TMEM132D: variants seen among roughly 807,000 people sequenced by gnomAD.
TMEM132D encodes the protein transmembrane protein 132D, also known as mature OL transmembrane protein.
TMEM132D carries 21 observed loss-of-function variants against 62.3 expected under a neutral mutation model. That is an observed-to-expected ratio of 0.34 (90% confidence interval 0.24 to 0.49). The LOEUF (loss-of-function observed/expected upper bound fraction) is 0.49. Among genes scored for constraint, TMEM132D ranks in the 20% least tolerant of loss-of-function variants. The pLI is 0.99. For missense variants in TMEM132D, 1,346 were observed against 1,402.8 expected (o/e 0.96, Z 0.65); for synonymous variants, 621 against 575.6 (o/e 1.08, Z -1.13).
Position 129,479,361 on chromosome 12 carries a change from A to G in TMEM132D, c.1115+51698T>C, listed in dbSNP as rs370762543. Among the ~76,000 whole-genome samples, 30 of 152,218 alleles carry G rather than the reference A, an allele frequency of 2.0e-4. No individual in the cohort carries two copies. In the South Asian group the frequency reaches 5.8e-3, roughly 30 times the overall value. On this transcript the variant is annotated intron_variant, in intron 3 of 8. Transcript: ENST00000422113. The stretch of plus-strand genomic sequence containing the variant: ...TATCCTGATTTCCAGAAGACAGAGA[A>G]TCTTTATTACTAGTTGAACTTCTCT...
chr12:129,209,833 T>C (rs1878977952), intron 4 of TMEM132D, 170 bp from the exon 5 acceptor site: 2 of 857,290 alleles, frequency 2.3e-6, no homozygotes, highest in Non-Finnish European at 3.5e-6. Flanking sequence ...AGCCATGAGA[T>C]AATGTTCTGT....
intron 2 of TMEM132D, among the ~76,000 whole-genome samples, chr12:129,611,085 G>A (rs964862300): frequency 6.6e-6 from 1 of 152,116 alleles, no homozygotes; most frequent in African/African-American, 2.4e-5. Flanking sequence ...AACATTAGAC[G>A]CCTGCTTGCC....
chr12:129,572,203 G>A (rs931497534), intron 2 of TMEM132D, among the ~76,000 whole-genome samples: 3 of 152,366 alleles, frequency 2.0e-5, no homozygotes, highest in East Asian at 1.9e-4. Context: ...CTAGAGTCAC[G>A]TAGATTTGAG....
rs1642152481 is a variant in TMEM132D at position 129,673,641 on chromosome 12, CAA to C, written c.968+26167_968+26168del. 1.3e-5 allele frequency among the ~76,000 whole-genome samples: 2 copies of C among 152,156 alleles called. 1 individual carries two copies. Among genetic ancestry groups the C allele is most frequent in the South Asian group, 4.1e-4 (2 of 4,826 alleles). On this transcript the variant is annotated intron_variant, in intron 2 of 8. Coordinates refer to ENST00000422113, the MANE Select transcript of TMEM132D (RefSeq NM_133448.3). Reference sequence around the variant, plus strand: ...TGTTGGAATTACACTTACATTCTTGCAAGAGACAGTGAGGAGACAGTCAAAGA... The same window carrying C: ...TGTTGGAATTACACTTACATTCTTGCGAGACAGTGAGGAGACAGTCAAAGA...
chr12:129,168,640 C>A (rs1361467860), intron 5 of TMEM132D, among the ~76,000 whole-genome samples: 1 of 152,178 alleles, frequency 6.6e-6, no homozygotes, highest in Non-Finnish European at 1.5e-5. Context: ...GGGGGTTCCA[C>A]CTGGGCTCTA....
At chr12:129,510,896 C>T (rs1278426129) in intron 3 of TMEM132D, among the ~76,000 whole-genome samples, 2 of 152,116 alleles carry the variant, frequency 1.3e-5, no homozygotes, top group Non-Finnish European at 2.9e-5. Flanking sequence ...TATTCTGTTC[C>T]ATTGGTCTGT....
chr12:129,457,640 A>G (rs1413268349), intron 3 of TMEM132D, among the ~76,000 whole-genome samples: 1 of 152,286 alleles, frequency 6.6e-6, no homozygotes, highest in African/African-American at 2.4e-5. Flanking sequence ...TCCACAGGCC[A>G]TATGTGAAGC....
intron 4 of TMEM132D, among the ~76,000 whole-genome samples, chr12:129,279,875 G>A (rs1229588538): frequency 6.6e-6 from 1 of 152,298 alleles, no homozygotes; most frequent in East Asian, 1.9e-4. Flanking sequence ...TAATTCCATT[G>A]TATCTGAAGT....
chr12:129,531,818 A>G (rs1222562090), intron 2 of TMEM132D, among the ~76,000 whole-genome samples: 1 of 152,192 alleles, frequency 6.6e-6, no homozygotes, highest in African/African-American at 2.4e-5. Context: ...TTCTTACTGT[A>G]TGCTTTCCAT....
chr12:129,337,248 T>C (rs1331517416), intron 4 of TMEM132D, among the ~76,000 whole-genome samples: 1 of 152,136 alleles, frequency 6.6e-6, no homozygotes, highest in African/African-American at 2.4e-5. Flanking sequence ...ATGCTTGATC[T>C]ACATGGACTC....
chr12:129,305,771 T>C (rs1387054843), intron 4 of TMEM132D, among the ~76,000 whole-genome samples: 1 of 152,192 alleles, frequency 6.6e-6, no homozygotes, highest in African/African-American at 2.4e-5. Flanking sequence ...CAGGGTGTCA[T>C]GGACATTACA....
chr12:129,667,126 G>A (rs927676427), intron 2 of TMEM132D, among the ~76,000 whole-genome samples: 6 of 152,144 alleles, frequency 3.9e-5, no homozygotes, highest in Non-Finnish European at 7.4e-5. Flanking sequence ...GCCCATGTCC[G>A]AATAACAGGG....
chr12:129,244,634 T>TTTTG lies in TMEM132D; in HGVS notation c.1300-34975_1300-34972dup, dbSNP rs199845708. On this transcript the variant is annotated intron_variant, in intron 4 of 8. Coordinates refer to ENST00000422113, the MANE Select transcript of TMEM132D (RefSeq NM_133448.3). ...TTGTTTGTTTTTTGTTTTATTTTTG[T>TTTTG]TTTGTTTTGTTTTGTTTTGTTTTTG... Among the ~76,000 whole-genome samples the TTTTG allele has an allele frequency of 1.6e-3, 235 of 151,328 alleles. 3 individuals carry two copies. Among genetic ancestry groups the TTTTG allele is most frequent in the African/African-American group, 5.6e-3 (229 of 41,254 alleles).
At position 129,088,024 on chromosome 12, in the gene TMEM132D, C is replaced by T. The variant is rs1161431680; in HGVS notation, c.1444-3322G>A. Among the ~76,000 whole-genome samples the T allele has an allele frequency of 9.9e-5, 9 of 91,182 alleles. No homozygotes were observed. The East Asian group carries it at 1.9e-3, about 20-fold the overall frequency. The allele number at this position is 91,182 out of a possible 152,430, so 59.8% of individuals were successfully genotyped here. On this transcript the variant is annotated intron_variant, in intron 5 of 8. Transcript: ENST00000422113. Reference sequence around the variant, plus strand: ...GTGTCCTCCATGACCGGGTGTCCTCCATGACCGGGGTGTCCTCTATGACCG... The same window carrying T: ...GTGTCCTCCATGACCGGGTGTCCTCTATGACCGGGGTGTCCTCTATGACCG...
intron 4 of TMEM132D, among the ~76,000 whole-genome samples, chr12:129,309,223 A>G (rs564836419): frequency 3.6e-4 from 55 of 152,324 alleles, no homozygotes; most frequent in South Asian, 3.1e-3. Context: ...TTATATTAAT[A>G]TATTCCCTCT....
At chr12:129,332,023 C>T (rs1377418828) in intron 4 of TMEM132D, among the ~76,000 whole-genome samples, 1 of 152,170 alleles carries the variant, frequency 6.6e-6, no homozygotes, top group African/African-American at 2.4e-5. Context: ...CTAGCCTGGG[C>T]AACCTGGCAA....
chr12:129,612,646 C>T (rs972701592), intron 2 of TMEM132D, among the ~76,000 whole-genome samples: 1 of 149,452 alleles, frequency 6.7e-6, no homozygotes, highest in Admixed American at 6.7e-5. Context: ...ATATATATTT[C>T]TGAGACTCAT....
intron 5 of TMEM132D, among the ~76,000 whole-genome samples, chr12:129,087,553 C>G (rs971229128): frequency 6.6e-6 from 1 of 151,540 alleles, no homozygotes; most frequent in Non-Finnish European, 1.5e-5. Context: ...GGTCCTGTGA[C>G]CACAGAAACA....
At chr12:129,798,709 GAGGGAGATAAGA>G in intron 1 of TMEM132D, among the ~76,000 whole-genome samples, 1 of 86,804 alleles carries the variant, frequency 1.2e-5, no homozygotes, top group Non-Finnish European at 2.7e-5. Flanking sequence ...AGAAGGGGTG[GAGGGAGATAAGA>G]CTGAGAAGGA....
Sources: allele counts gnomAD v4.1 joint callset (sites outside exome capture counted in the v4.1 genomes callset), GRCh38; gene constraint gnomAD v4.1.1; transcripts MANE v1.5; gene names NCBI Gene and HGNC (gene_info 2026-07-23, HGNC 2026-07-21).